ABCB5: variants seen among roughly 807,000 people sequenced by gnomAD.
ABCB5 encodes ATP binding cassette subfamily B member 5.
ABCB5 carries 155 observed loss-of-function variants against 144.2 expected under a neutral mutation model. The ratio of observed to expected loss-of-function variants is 1.08; its 90% CI spans 0.94 to 1.23. The LOEUF is 1.23. ABCB5 is among the 50% of genes most tolerant of loss of function. The pLI is 0.00. For missense variants in ABCB5, 1,830 were observed against 1,520.8 expected (o/e 1.20, Z -3.38); for synonymous variants, 610 against 528.6 (o/e 1.15, Z -2.11).
In ABCB5 at chr7:20,651,338, T is replaced by C. The variant is rs1784577034; in HGVS notation, c.1333-82T>C. ...TTTCTAAAATATGCTACTTCTCAGCTTATATTTTGGTCTAGTATGAAAAAC... is the reference window on the plus strand; with the variant it reads ...TTTCTAAAATATGCTACTTCTCAGCCTATATTTTGGTCTAGTATGAAAAAC... On this transcript the variant is annotated intron_variant, in intron 12 of 27. Transcript: ENST00000404938. 3 of 1,243,044 alleles carry C rather than the reference T, an allele frequency of 2.4e-6. No homozygotes were observed. The South Asian group carries it at 3.9e-5, about 16-fold the overall frequency. 77.0% of individuals were successfully genotyped at this position (1,243,044 alleles called of 1,614,324 possible). A position where few individuals can be genotyped will look rare whatever the true frequency, so the allele number is the denominator to read the frequency against.
chr7:20,678,365 T>C (rs1583419161), intron 14 of ABCB5, among the ~76,000 whole-genome samples: 1 of 152,274 alleles, frequency 6.6e-6, no homozygotes, highest in East Asian at 1.9e-4. Flanking sequence ...TGAAGAGACC[T>C]TGTGGAGAGA....
At chr7:20,626,483 C>G in intron 2 of ABCB5, 74 bp from the exon 3 acceptor site, 1 of 1,374,350 alleles carries the variant, frequency 7.3e-7, no homozygotes, top group South Asian at 1.4e-5. Flanking sequence ...GACACTTCTG[C>G]AAACTATTAA....
intron 7 of ABCB5, among the ~76,000 whole-genome samples, chr7:20,644,218 G>A (rs1299500816): frequency 6.6e-6 from 1 of 151,940 alleles, no homozygotes; most frequent in Admixed American, 6.6e-5. Flanking sequence ...CCAAGTAGCT[G>A]GGACTACAGG....
chr7:20,738,893 C>T (rs1194039148), intron 23 of ABCB5, 90 bp from the exon 24 acceptor site: 2 of 1,376,112 alleles, frequency 1.5e-6, no homozygotes, highest in African/African-American at 1.5e-5. Context: ...AGATTATATT[C>T]CTGTGCCTGC....
chr7:20,623,425 A>G lies in ABCB5; in HGVS notation c.53+87A>G, dbSNP rs562540929. 1.2e-5 allele frequency: 14 copies of G among 1,138,432 alleles called. No homozygotes were observed. In the Admixed American group the frequency reaches 3.0e-4, roughly 25 times the overall value. The allele number at this position is 1,138,432 out of a possible 1,614,324, so 70.5% of individuals were successfully genotyped here. ...CACACCTATAGCAAAAATGTTTATA[A>G]TTTTTTCCCAAAAATAGCAACACTA... On this transcript the variant is annotated intron_variant, in intron 2 of 27. Transcript: ENST00000404938.
intron 10 of ABCB5, 116 bp downstream of exon 10, chr7:20,647,764 T>C (rs1784454304): frequency 6.9e-7 from 1 of 1,446,490 alleles, no homozygotes; most frequent in Non-Finnish European, 9.3e-7. Flanking sequence ...TGTTGGCCAG[T>C]TGTTTATGGG....
At chr7:20,668,490 C>G (rs563465800) in intron 14 of ABCB5, among the ~76,000 whole-genome samples, 710 of 151,366 alleles carry the variant, frequency 4.7e-3, no homozygotes, top group African/African-American at 0.017. Context: ...GCCTGGCAAC[C>G]GCCCCGTCTG....
intron 15 of ABCB5, among the ~76,000 whole-genome samples, chr7:20,682,717 G>A (rs780718045): frequency 1.3e-5 from 2 of 152,154 alleles, no homozygotes; most frequent in Non-Finnish European, 2.9e-5. Context: ...ATAAACACTT[G>A]CTGAATGAAG....
At chr7:20,672,577 TA>T (rs1279696491) in intron 14 of ABCB5, among the ~76,000 whole-genome samples, 26 of 152,290 alleles carry the variant, frequency 1.7e-4, no homozygotes, top group Non-Finnish European at 2.6e-4. Context: ...AATAAAATTT[TA>T]AAAGAGAGAA....
intron 4 of ABCB5, among the ~76,000 whole-genome samples, chr7:20,629,109 A>T (rs960484072): frequency 1.5e-4 from 23 of 150,848 alleles, no homozygotes; most frequent in African/African-American, 5.4e-4. Context: ...CAGCATGGAT[A>T]GGATGTGCGT....
intron 3 of ABCB5, among the ~76,000 whole-genome samples, 157 bp downstream of exon 3, chr7:20,626,768 A>G (rs1783918650): frequency 6.6e-6 from 1 of 152,170 alleles, no homozygotes. Flanking sequence ...GAAAAAATAT[A>G]AACAATCTCA....
At chr7:20,704,192 T>C (rs1786737242) in intron 19 of ABCB5, among the ~76,000 whole-genome samples, 1 of 147,496 alleles carries the variant, frequency 6.8e-6, no homozygotes, top group African/African-American at 2.5e-5. Context: ...CCTCCCCACC[T>C]CAGCCTCCCA....
chr7:20,725,926 G>C (rs893003305), intron 21 of ABCB5, among the ~76,000 whole-genome samples: 3 of 152,162 alleles, frequency 2.0e-5, no homozygotes, highest in African/African-American at 7.2e-5. Flanking sequence ...CGACAGTCCA[G>C]AAATCTAGTT....
At chr7:20,626,709 T>C (rs543441444) in intron 3 of ABCB5, 98 bp downstream of exon 3, 31 of 927,322 alleles carry the variant, frequency 3.3e-5, no homozygotes, top group Non-Finnish European at 4.5e-5. Flanking sequence ...ATCCACTATT[T>C]GTGGGAAAGA....
chr7:20,662,332 G>A (rs993873063), intron 14 of ABCB5, among the ~76,000 whole-genome samples: 3 of 152,196 alleles, frequency 2.0e-5, no homozygotes, highest in African/African-American at 7.2e-5. Flanking sequence ...CTTCCTCGGA[G>A]ACCTCTTATG....
intron 5 of ABCB5, among the ~76,000 whole-genome samples, chr7:20,637,254 A>G (rs1784178949): frequency 6.6e-6 from 1 of 152,186 alleles, no homozygotes; most frequent in South Asian, 2.1e-4. Context: ...ACTCAGCTTT[A>G]TAATTTTAAT....
chr7:20,681,811 G>C, intron 15 of ABCB5, 145 bp downstream of exon 15: 1 of 906,092 alleles, frequency 1.1e-6, no homozygotes, highest in Non-Finnish European at 1.6e-6. Flanking sequence ...GAAATGGAGT[G>C]TTTCAAATCC....
rs367845647 is a variant in ABCB5, at chr7:20,698,066, A to G, written c.2011-341A>G. Among the ~76,000 whole-genome samples, 40 of 152,232 alleles carry G rather than the reference A, an allele frequency of 2.6e-4. 1 individual carries two copies. The highest frequency in any genetic ancestry group is 9.4e-4 in the African/African-American group (39 of 41,544). Reference sequence around the variant, plus strand: ...TTCTTATCCTGTAGTACAATATTCCATCCAGTTTAACAAGAGTAAAGAAAA... The same window carrying G: ...TTCTTATCCTGTAGTACAATATTCCGTCCAGTTTAACAAGAGTAAAGAAAA... On this transcript the variant is annotated intron_variant, in intron 16 of 27. Coordinates refer to ENST00000404938, the MANE Select transcript of ABCB5 (RefSeq NM_001163941.2).
At chr7:20,670,127 G>A (rs187238486) in intron 14 of ABCB5, among the ~76,000 whole-genome samples, 35 of 152,318 alleles carry the variant, frequency 2.3e-4, no homozygotes, top group South Asian at 6.2e-4. Context: ...CAGCCAAGAG[G>A]AGCCTAAGGC....
Sources: gnomAD v4.1 joint callset for allele counts (sites outside exome capture counted in the v4.1 genomes callset) on GRCh38, gnomAD v4.1.1 for gene constraint, MANE v1.5 for transcripts, NCBI Gene and HGNC (gene_info 2026-07-23, HGNC 2026-07-21) for gene names.